The following PTK2 variants were observed in gnomAD, a reference collection of about 807,000 sequenced individuals.
The protein encoded by PTK2 is focal adhesion kinase 1.
A neutral mutation model predicts 150.1 loss-of-function variants in PTK2; 45 were observed. That is an observed-to-expected ratio of 0.30 (90% CI 0.24 to 0.38). The LOEUF is 0.38. PTK2 is among the 10% of genes least tolerant of loss of function. The probability of loss-of-function intolerance (pLI) is 1.00; values close to 1 mark genes in which losing one functional copy is unlikely to be tolerated. For synonymous variants in PTK2, 432 were observed against 449.2 expected (o/e 0.96, Z 0.48); for missense variants, 919 against 1,307.3 (o/e 0.70, Z 4.58).
At chr8:140,917,382 G>A (rs1274550063) in intron 2 of PTK2, among the ~76,000 whole-genome samples, 1 of 151,908 alleles carries the variant, frequency 6.6e-6, no homozygotes, top group Non-Finnish European at 1.5e-5. Context: ...GGGAGGGCAG[G>A]GGAGGGCAGA....
Position 140,902,933 on chromosome 8 carries a change from T to TTTTTTTTG in PTK2, c.-32-12165_-32-12164insCAAAAAAA. On this transcript the variant is annotated intron_variant, in intron 2 of 31. Coordinates refer to ENST00000522684, the Ensembl canonical transcript of PTK2. ...CACTCTGATGAGAGTTGTTTTTTTTTTTTTTTTTTTTTTTTTTTTTTTTTT... is the reference window on the plus strand; with the variant it reads ...CACTCTGATGAGAGTTGTTTTTTTTTTTTTTTTGTTTTTTTTTTTTTTTTTTTTTTTTT... 1.8e-5 allele frequency among the ~76,000 whole-genome samples: 2 copies of TTTTTTTTG among 108,780 alleles called. 1 individual carries two copies. The highest frequency in any genetic ancestry group is 6.8e-5 in the African/African-American group (2 of 29,516). 71.4% of individuals were successfully genotyped at this position (108,780 alleles called of 152,430 possible).
chr8:140,831,138 C>CT (rs1441960244), intron 7 of PTK2, among the ~76,000 whole-genome samples: 3 of 152,170 alleles, frequency 2.0e-5, no homozygotes, highest in African/African-American at 7.2e-5. Flanking sequence ...CAGCAATGTT[C>CT]TTTAAGTCAG....
chr8:140,846,893 T>A (rs2100125878), intron 5 of PTK2, among the ~76,000 whole-genome samples: 1 of 152,156 alleles, frequency 6.6e-6, no homozygotes, highest in African/African-American at 2.4e-5. Context: ...TATAAATAAA[T>A]GTTTCTTCAG....
intron 14 of PTK2, among the ~76,000 whole-genome samples, chr8:140,785,260 C>T (rs1250903725): frequency 2.0e-5 from 3 of 152,184 alleles, no homozygotes; most frequent in Non-Finnish European, 2.9e-5. Context: ...ATGCATTCCT[C>T]TAAGACCCAG....
intron 14 of PTK2, among the ~76,000 whole-genome samples, chr8:140,767,263 T>TC (rs1594726839): frequency 1.3e-5 from 2 of 151,696 alleles, no homozygotes; most frequent in East Asian, 3.9e-4. Context: ...TTTCTTTCTT[T>TC]TTTTTTTTTA....
chr8:140,999,314 G>T (rs1175730240), intron 1 of PTK2, among the ~76,000 whole-genome samples: 3 of 152,198 alleles, frequency 2.0e-5, no homozygotes, highest in South Asian at 2.1e-4. Flanking sequence ...AATAATCTGT[G>T]CCTGTGTTCA....
chr8:140,830,084 TACACACACACACAC>T (rs67413157), intron 8 of PTK2, among the ~76,000 whole-genome samples: 3 of 149,388 alleles, frequency 2.0e-5, no homozygotes, highest in South Asian at 4.2e-4. Context: ...CGCACACACA[TACACACACACACAC>T]ACACACACAC....
chr8:140,683,196 T>C (rs1186612027), intron 27 of PTK2, among the ~76,000 whole-genome samples: 1 of 152,024 alleles, frequency 6.6e-6, no homozygotes, highest in Non-Finnish European at 1.5e-5. Flanking sequence ...GAAAAATACA[T>C]AGAACTATCA....
intron 17 of PTK2, among the ~76,000 whole-genome samples, chr8:140,749,191 A>G (rs2154507457): frequency 6.6e-6 from 1 of 152,332 alleles, no homozygotes; most frequent in Admixed American, 6.5e-5. Flanking sequence ...ATATAATGTA[A>G]ACACCCAGCA....
At chr8:140,798,520 G>A (rs1353034970) in intron 12 of PTK2, among the ~76,000 whole-genome samples, 1 of 152,082 alleles carries the variant, frequency 6.6e-6, no homozygotes, top group Non-Finnish European at 1.5e-5. Context: ...AAAAAGCATC[G>A]CATTTCATGT....
chr8:140,698,572 A>G (rs188722409), intron 26 of PTK2, among the ~76,000 whole-genome samples: 14 of 151,498 alleles, frequency 9.2e-5, no homozygotes, highest in African/African-American at 3.4e-4. Flanking sequence ...TCATGCCTCA[A>G]CCTCCTGAAT....
chr8:140,918,260 G>C (rs776067426), intron 2 of PTK2, among the ~76,000 whole-genome samples: 2 of 152,060 alleles, frequency 1.3e-5, no homozygotes, highest in Admixed American at 6.5e-5. Flanking sequence ...AAAGGACAAC[G>C]GCCCAAAGCT....
chr8:140,901,715 A>G (rs2100158527), intron 2 of PTK2, among the ~76,000 whole-genome samples: 1 of 145,300 alleles, frequency 6.9e-6, no homozygotes, highest in African/African-American at 2.6e-5. Context: ...CAGGTTTGTT[A>G]TGTAGGTATA....
chr8:140,802,505 A>C (rs919285085), intron 11 of PTK2, among the ~76,000 whole-genome samples: 5 of 152,188 alleles, frequency 3.3e-5, no homozygotes, highest in Admixed American at 3.3e-4. Flanking sequence ...TACTACTGAA[A>C]AAGGTTTTAA....
At chr8:140,902,714 T>C (rs1306385953) in intron 2 of PTK2, among the ~76,000 whole-genome samples, 2 of 152,246 alleles carry the variant, frequency 1.3e-5, no homozygotes, top group Admixed American at 6.5e-5. Flanking sequence ...TGACCAGTGA[T>C]GATGAGCTTT....
At chr8:140,773,659 G>A (rs1472338354) in intron 14 of PTK2, among the ~76,000 whole-genome samples, 1 of 152,096 alleles carries the variant, frequency 6.6e-6, no homozygotes, top group African/African-American at 2.4e-5. Flanking sequence ...GGAAGGGGGA[G>A]GTGGCACTGA....
intron 2 of PTK2, among the ~76,000 whole-genome samples, chr8:140,902,468 T>A (rs2100158879): frequency 6.6e-6 from 1 of 152,222 alleles, no homozygotes; most frequent in Admixed American, 6.5e-5. Context: ...CCTTTGGGTA[T>A]ATACCCAATA....
intron 4 of PTK2, among the ~76,000 whole-genome samples, chr8:140,872,372 T>C (rs1056225298): frequency 1.2e-4 from 19 of 152,202 alleles, no homozygotes; most frequent in African/African-American, 4.1e-4. Context: ...TTTTCTACTT[T>C]TATGTATACT....
intron 1 of PTK2, among the ~76,000 whole-genome samples, chr8:140,939,994 G>C (rs954209749): frequency 4.6e-5 from 7 of 152,166 alleles, no homozygotes; most frequent in Non-Finnish European, 8.8e-5. Flanking sequence ...AGTAGAGCAC[G>C]GGGCCTGGCC....
Sources: gnomAD v4.1 joint callset for allele counts (sites outside exome capture counted in the v4.1 genomes callset) on GRCh38, gnomAD v4.1.1 for gene constraint, MANE v1.5 for transcripts, NCBI Gene and HGNC (gene_info 2026-07-23, HGNC 2026-07-21) for gene names.